Variants in EVI5 observed in about 807,000 individuals in gnomAD.
The protein encoded by EVI5 is ecotropic viral integration site 5 protein homolog.
A neutral mutation model predicts 112.0 loss-of-function variants in EVI5; 73 were observed. That is an observed-to-expected ratio of 0.65 (90% CI 0.54 to 0.79). EVI5 has a LOEUF of 0.79. EVI5 is among the 30% of genes least tolerant of loss of function. EVI5 has a pLI of 0.00. For synonymous variants in EVI5, 305 were observed against 319.9 expected (o/e 0.95, Z 0.50); for missense variants, 900 against 968.8 (o/e 0.93, Z 0.94).
chr1:92,735,649 T>C (rs866475832), intron 2 of EVI5, among the ~76,000 whole-genome samples: 10 of 2,356 alleles, frequency 4.2e-3, no homozygotes, highest in South Asian at 0.02. Flanking sequence ...CATATATATA[T>C]ATAATTATAT....
At chr1:92,617,193 A>G (rs768983201) in intron 16 of EVI5, among the ~76,000 whole-genome samples, 4 of 152,246 alleles carry the variant, frequency 2.6e-5, no homozygotes, top group Non-Finnish European at 5.9e-5. Flanking sequence ...CGGTGAAGGT[A>G]AATCTTCCCA....
intron 1 of EVI5, among the ~76,000 whole-genome samples, chr1:92,781,978 A>G (rs78225886): frequency 7.2e-5 from 7 of 97,710 alleles, no homozygotes; most frequent in African/African-American, 2.8e-4. Context: ...AAAAAAAAAA[A>G]GGCCAGGCAC....
At chr1:92,603,864 G>A (rs987028081) in intron 18 of EVI5, among the ~76,000 whole-genome samples, 3 of 151,988 alleles carry the variant, frequency 2.0e-5, no homozygotes, top group East Asian at 1.9e-4. Context: ...AAGTAACCGC[G>A]ACTGGGACTA....
intron 19 of EVI5, among the ~76,000 whole-genome samples, chr1:92,525,567 C>A (rs755633929): frequency 1.3e-5 from 2 of 152,092 alleles, no homozygotes; most frequent in Non-Finnish European, 2.9e-5. Flanking sequence ...CTGCACCCGG[C>A]CAACAATGCT....
chr1:92,599,781 A>G (rs1260789643), intron 18 of EVI5, among the ~76,000 whole-genome samples: 2 of 152,342 alleles, frequency 1.3e-5, no homozygotes, highest in East Asian at 3.9e-4. Context: ...CAGGAATAGG[A>G]TAATTCACAG....
chr1:92,772,332 C>G (rs1332412237), intron 1 of EVI5, among the ~76,000 whole-genome samples: 1 of 151,960 alleles, frequency 6.6e-6, no homozygotes, highest in South Asian at 2.1e-4. Flanking sequence ...CGAGGTGGCT[C>G]ACGCCTGTAA....
At chr1:92,599,380 C>T (rs2101492162) in intron 18 of EVI5, among the ~76,000 whole-genome samples, 1 of 151,954 alleles carries the variant, frequency 6.6e-6, no homozygotes, top group East Asian at 1.9e-4. Flanking sequence ...TTGAGTTCTC[C>T]CCCTAGTGGA....
intron 18 of EVI5, chr1:92,580,327 C>T (rs1671744426): frequency 1.3e-5 from 2 of 152,114 alleles, no homozygotes; most frequent in Admixed American, 1.3e-4. Context: ...ATATTGCATT[C>T]ATAACAACCA....
chr1:92,720,627 T>C (rs566791882), intron 2 of EVI5, among the ~76,000 whole-genome samples: 50 of 152,278 alleles, frequency 3.3e-4, no homozygotes, highest in African/African-American at 1.0e-3. Context: ...AAGGACTTCA[T>C]GACTAAAACA....
intron 18 of EVI5, among the ~76,000 whole-genome samples, chr1:92,579,986 T>C (rs1671689941): frequency 6.6e-6 from 1 of 152,200 alleles, no homozygotes; most frequent in Non-Finnish European, 1.5e-5. Context: ...AGAAGGAACA[T>C]TTAGAATAAT....
chr1:92,784,499 T>C (rs1224059330), intron 1 of EVI5: 5 of 899,504 alleles, frequency 5.6e-6, no homozygotes, highest in African/African-American at 1.8e-5. Flanking sequence ...GAGGGTGGGG[T>C]GCAGGGTCAG....
intron 13 of EVI5, among the ~76,000 whole-genome samples, chr1:92,657,442 C>T (rs771338247): frequency 3.3e-5 from 5 of 152,130 alleles, no homozygotes; most frequent in African/African-American, 9.7e-5. Context: ...GCAGGTGGAT[C>T]GCTTGAGCCC....
intron 14 of EVI5, among the ~76,000 whole-genome samples, chr1:92,633,451 T>A (rs878896657): frequency 6.6e-6 from 1 of 152,210 alleles, no homozygotes; most frequent in Admixed American, 6.5e-5. Context: ...TCTTTTGATC[T>A]TTGTTGGTTT....
chr1:92,679,984 G>C (rs538266587), intron 9 of EVI5, among the ~76,000 whole-genome samples: 1 of 152,140 alleles, frequency 6.6e-6, no homozygotes, highest in African/African-American at 2.4e-5. Context: ...CCAGTGTAAA[G>C]TTATTTGTTC....
At chr1:92,531,447 G>A (rs1225624815) in intron 19 of EVI5, among the ~76,000 whole-genome samples, 1 of 152,066 alleles carries the variant, frequency 6.6e-6, no homozygotes, top group Non-Finnish European at 1.5e-5. Context: ...ACACCATAAA[G>A]ATACTCCTCA....
At position 92,693,897 on chromosome 1, in the gene EVI5, G is replaced by A. The variant is rs1207011301; in HGVS notation, c.1002C>T (p.His334=). The change falls in exon 9 of 20, where the codon CAC becomes CAT. Residue 334 remains histidine, a splice_region_variant and synonymous_variant. Coordinates refer to ENST00000684568, the MANE Select transcript of EVI5 (RefSeq NM_001350197.2). The part of the protein sequence containing the change: ...MQLDMEGMLQ[H]FQKVIPHQFD... The stretch of plus-strand genomic sequence containing the variant: ...ACTGATGTGGAATGACCTTTTGAAA[G>A]TGCTAAGATACAATTAAAAAAAAAA... 1 of 1,550,300 alleles carries A rather than the reference G, an allele frequency of 6.5e-7. No homozygotes were observed. Among genetic ancestry groups the A allele is most frequent in the African/African-American group, 1.4e-5 (1 of 73,202 alleles).
intron 1 of EVI5, among the ~76,000 whole-genome samples, chr1:92,767,142 T>C (rs1682756820): frequency 6.6e-6 from 1 of 152,080 alleles, no homozygotes; most frequent in Non-Finnish European, 1.5e-5. Flanking sequence ...ATCTGCCCTG[T>C]TCCACCTGGG....
chr1:92,603,271 G>C (rs909079254), intron 18 of EVI5, among the ~76,000 whole-genome samples: 41 of 152,224 alleles, frequency 2.7e-4, no homozygotes, highest in African/African-American at 9.4e-4. Flanking sequence ...AATGGTGTAG[G>C]TTCTGTGGAA....
chr1:92,524,811 C>T (rs1661569819), intron 19 of EVI5, among the ~76,000 whole-genome samples: 1 of 151,290 alleles, frequency 6.6e-6, no homozygotes, highest in Admixed American at 6.6e-5. Flanking sequence ...AGTTTACAGA[C>T]ACTGATAGAT....
Sources: allele counts gnomAD v4.1 joint callset (sites outside exome capture counted in the v4.1 genomes callset), GRCh38; gene constraint gnomAD v4.1.1; transcripts MANE v1.5; gene names NCBI Gene and HGNC (gene_info 2026-07-23, HGNC 2026-07-21).